ISCA1: variants seen among roughly 807,000 people sequenced by gnomAD.
ISCA1 encodes the protein iron-sulfur cluster assembly 1, also known as iron-sulfur cluster assembly 1 homolog, mitochondrial.
Under a neutral mutation model 14.7 loss-of-function variants are expected in ISCA1, and 9 were observed. That is an observed-to-expected ratio of 0.61 (90% CI 0.37 to 1.07). ISCA1 has a LOEUF of 1.07. Ranked by LOEUF, ISCA1 falls within the 50% of genes least tolerant of loss-of-function variation. The pLI is 0.01. For missense variants in ISCA1, 102 were observed against 150.1 expected (o/e 0.68, Z 1.67); for synonymous variants, 38 against 54.3 (o/e 0.70, Z 1.32).
chr9:86,266,994 A>C (rs1362961470), intron 3 of ISCA1: 2 of 152,292 alleles, frequency 1.3e-5, no homozygotes, highest in African/African-American at 4.8e-5. Context: ...CACAGTGCCC[A>C]GCCAACAAAT....
At chr9:86,272,801 A>G (rs1225928302) in intron 2 of ISCA1, among the ~76,000 whole-genome samples, 3 of 152,230 alleles carry the variant, frequency 2.0e-5, no homozygotes, top group African/African-American at 7.2e-5. Context: ...TGTACTTTAA[A>G]TAACTTCTGG....
chr9:86,272,916 A>G (rs914749664), intron 2 of ISCA1, among the ~76,000 whole-genome samples: 5 of 152,150 alleles, frequency 3.3e-5, no homozygotes, highest in African/African-American at 1.2e-4. Context: ...GCAACCTTCT[A>G]TTTTTTTCCC....
intron 2 of ISCA1, among the ~76,000 whole-genome samples, chr9:86,272,539 C>A (rs1029443174): frequency 6.6e-6 from 1 of 152,060 alleles, no homozygotes. Context: ...TCAATACAGA[C>A]AAAAGAAGTT....
intron 3 of ISCA1, among the ~76,000 whole-genome samples, chr9:86,269,274 C>T (rs568453473): frequency 1.4e-4 from 21 of 152,310 alleles, no homozygotes; most frequent in Admixed American, 2.6e-4. Context: ...ACAAAAATCA[C>T]AAGCATTCTT....
chr9:86,269,580 G>GA (rs1385863277), intron 3 of ISCA1, among the ~76,000 whole-genome samples: 1 of 151,196 alleles, frequency 6.6e-6, no homozygotes, highest in Non-Finnish European at 1.5e-5. Flanking sequence ...CACAGAATTG[G>GA]AAAAAACTAC....
chr9:86,282,084 C>T, intron 1 of ISCA1: 2 of 443,224 alleles, frequency 4.5e-6, no homozygotes, highest in South Asian at 6.3e-5. Context: ...AGGCGATCGG[C>T]CCCCGGGGAC....
rs181243256 is a variant in ISCA1, at chr9:86,277,050, T to C, written c.82-2808A>G. Among the ~76,000 whole-genome samples, 793 of 152,218 alleles carry C rather than the reference T, an allele frequency of 5.2e-3. 7 individuals are homozygous for C. Among genetic ancestry groups the C allele is most frequent in the African/African-American group, 0.018 (767 of 41,544 alleles). Reference sequence around the variant, plus strand: ...CTACTCCGTTTACCAGCCCCAAATATATAATTTTTTTTATCTCCAAGTGGT... The same window carrying C: ...CTACTCCGTTTACCAGCCCCAAATACATAATTTTTTTTATCTCCAAGTGGT... On this transcript the variant is annotated intron_variant, in intron 1 of 3. Transcript: ENST00000375991.
intron 1 of ISCA1, among the ~76,000 whole-genome samples, chr9:86,275,481 G>T (rs1232870024): frequency 6.6e-6 from 1 of 152,088 alleles, no homozygotes; most frequent in Non-Finnish European, 1.5e-5. Flanking sequence ...TCGGGGTTGG[G>T]GCTCAGCTAG....
At position 86,280,660 on chromosome 9, in the gene ISCA1, G is replaced by C. The variant is rs544901527; in HGVS notation, c.81+1718C>G. Reference sequence around the variant, plus strand: ...AACATGTCAAATGGTGATGGAGAAAGACATCAGGGACCAGGCATGGTGGCT... The same window carrying C: ...AACATGTCAAATGGTGATGGAGAAACACATCAGGGACCAGGCATGGTGGCT... On this transcript the variant is annotated intron_variant, in intron 1 of 3. Transcript: ENST00000375991. 2.3e-4 allele frequency among the ~76,000 whole-genome samples: 35 copies of C among 149,110 alleles called. No individual in the cohort carries two copies. The South Asian group carries it at 7.4e-3, about 32-fold the overall frequency.
chr9:86,269,104 A>C, intron 3 of ISCA1, among the ~76,000 whole-genome samples: 1 of 152,160 alleles, frequency 6.6e-6, no homozygotes, highest in East Asian at 1.9e-4. Flanking sequence ...AGTGCACTAC[A>C]TTCTTGAACT....
At chr9:86,275,732 G>A (rs1374317153) in intron 1 of ISCA1, among the ~76,000 whole-genome samples, 1 of 152,138 alleles carries the variant, frequency 6.6e-6, no homozygotes, top group East Asian at 1.9e-4. Context: ...GCCTCTAAAG[G>A]CCCATGGTTT....
At chr9:86,279,025 T>C (rs147894946) in intron 1 of ISCA1, among the ~76,000 whole-genome samples, 131 of 152,372 alleles carry the variant, frequency 8.6e-4, no homozygotes, top group African/African-American at 3.0e-3. Flanking sequence ...CTTCCAGTGC[T>C]TCTTGTGTAG....
In ISCA1 at chr9:86,266,209, A is replaced by G. The variant is rs1351084530; in HGVS notation, c.242-18T>C. On this transcript the variant is annotated intron_variant, in intron 3 of 3. Coordinates refer to ENST00000375991, the MANE Select transcript of ISCA1 (RefSeq NM_030940.4). ...TCTGACTCCTTGGAGAAAAGAAAAC[A>G]TGTGTCATGGAAAGCCTGCAGCCTT... is the stretch of plus-strand genomic sequence containing the variant. 2.5e-6 allele frequency: 4 copies of G among 1,592,634 alleles called. No homozygotes were observed. The highest frequency in any genetic ancestry group is 2.3e-5 in the South Asian group (2 of 86,794).
intron 1 of ISCA1, among the ~76,000 whole-genome samples, chr9:86,277,208 T>C (rs761439625): frequency 1.4e-4 from 21 of 152,236 alleles, no homozygotes; most frequent in Middle Eastern, 3.2e-3. Context: ...AAGTTGCTGA[T>C]GTTCACATCT....
intron 3 of ISCA1, chr9:86,267,621 T>C (rs1234769147): frequency 2.3e-6 from 2 of 879,500 alleles, no homozygotes; most frequent in African/African-American, 1.8e-5. Flanking sequence ...TGAATAAAAA[T>C]TGGAAATACA....
intron 3 of ISCA1, among the ~76,000 whole-genome samples, chr9:86,271,752 T>C (rs1825370841): frequency 6.6e-6 from 1 of 152,204 alleles, no homozygotes. Context: ...AGGCCACTTA[T>C]TATGACCTTA....
chr9:86,282,429 G>A lies in ISCA1; in HGVS notation c.30C>T (p.Val10=), dbSNP rs1454918146. 1.0e-5 allele frequency: 16 copies of A among 1,556,016 alleles called. No homozygotes were observed. The highest frequency in any genetic ancestry group is 1.4e-5 in the Non-Finnish European group (16 of 1,149,984). The part of the protein sequence containing the change: MSASLVRAT[V]RAVSKRKLQP... ...GCAGCTTCCTCTTGCTCACAGCCCG[G>A]ACAGTTGCCCGGACTAAGGAAGCCG... The change falls in exon 1 of 4, where the codon GTC becomes GTT. Residue 10 remains valine (V), a synonymous_variant. Transcript: ENST00000375991.
intron 3 of ISCA1, 142 bp from the exon 4 acceptor site, chr9:86,266,333 G>A (rs1825292867): frequency 7.6e-7 from 1 of 1,316,134 alleles, no homozygotes; most frequent in Non-Finnish European, 1.0e-6. Context: ...TTTCCTTAAG[G>A]AATTAAGCAT....
rs867351297 is a variant in ISCA1, at chr9:86,270,095, A to G, written c.241+1912T>C. On this transcript the variant is annotated intron_variant, in intron 3 of 3. Coordinates refer to ENST00000375991, the MANE Select transcript of ISCA1 (RefSeq NM_030940.4). Reference sequence around the variant, plus strand: ...ACAGAAGCCAAAATTGACAAATGGGATCTAATTAAACTAAAGAGCTTCTGC... The same window carrying G: ...ACAGAAGCCAAAATTGACAAATGGGGTCTAATTAAACTAAAGAGCTTCTGC... Among the ~76,000 whole-genome samples, 315 of 150,850 alleles carry G rather than the reference A, an allele frequency of 2.1e-3. 1 individual carries two copies. The highest frequency in any genetic ancestry group is 7.0e-3 in the African/African-American group (284 of 40,824).
Sources: allele counts gnomAD v4.1 joint callset (sites outside exome capture counted in the v4.1 genomes callset), GRCh38; gene constraint gnomAD v4.1.1; transcripts MANE v1.5; gene names NCBI Gene and HGNC (gene_info 2026-07-23, HGNC 2026-07-21).